Variants in SLC25A23 observed in about 807,000 individuals in gnomAD.
SLC25A23 encodes the protein solute carrier family 25 member 23.
SLC25A23 carries 32 observed loss-of-function variants against 53.9 expected under a neutral mutation model. That is an observed-to-expected ratio of 0.59 (90% CI 0.45 to 0.80). The LOEUF (loss-of-function observed/expected upper bound fraction) is 0.80, where lower values mean the gene tolerates loss of function less well. Ranked by LOEUF, SLC25A23 falls within the 30% of genes least tolerant of loss-of-function variation. The pLI is 0.00. For synonymous variants in SLC25A23, 275 were observed against 264.5 expected, an observed-to-expected ratio of 1.04 and a Z score of -0.38; for missense variants, 575 against 651.4, an observed-to-expected ratio of 0.88 and a Z score of 1.28.
Position 6,454,849 on chromosome 19 carries a change from C to T in SLC25A23, c.484-132G>A, listed in dbSNP as rs910210898. On this transcript the variant is annotated intron_variant, in intron 4 of 9. Transcript: ENST00000301454. This position sits in a 1 kb window ranked among gnomAD's most constrained non-coding sequence, Gnocchi z 4.3. ...CTGCCAATGACTCTTGCTTGGAGAC[C>T]CCAGAAGAGTCCTGTTGGGTCCTAC... The T allele has an allele frequency of 1.4e-5, 15 of 1,086,698 alleles. No individual in the cohort carries two copies. The highest frequency in any genetic ancestry group is 2.0e-5 in the Non-Finnish European group (15 of 766,062). 67.3% of individuals were successfully genotyped at this position (1,086,698 alleles called of 1,614,324 possible). A position where few individuals can be genotyped will look rare whatever the true frequency, so the allele number is the denominator to read the frequency against.
intron 1 of SLC25A23, among the ~76,000 whole-genome samples, chr19:6,458,849 C>T (rs566746705): frequency 1.3e-5 from 2 of 152,156 alleles, no homozygotes; most frequent in Non-Finnish European, 2.9e-5. Flanking sequence ...GGACTGCTCT[C>T]AGGGTTGCTG....
In SLC25A23 at chr19:6,458,194, T is replaced by A; in HGVS notation, c.283+4A>T. On this transcript the variant is annotated splice_donor_region_variant and intron_variant, in intron 2 of 9. Coordinates refer to ENST00000301454, the MANE Select transcript of SLC25A23 (RefSeq NM_024103.3). The stretch of plus-strand genomic sequence containing the variant: ...GGGCCTGCAGGCAGGTCGCCCGACC[T>A]TACCATCCTGGTTCCGGTCAAGACT... 6.2e-7 allele frequency: 1 copy of A among 1,613,226 alleles called. No individual in the cohort carries two copies.
chr19:6,458,075 G>A, intron 2 of SLC25A23, 123 bp downstream of exon 2: 1 of 1,301,350 alleles, frequency 7.7e-7, no homozygotes, highest in Non-Finnish European at 1.0e-6. Flanking sequence ...TAGCCTATGA[G>A]TCATCGGGGA....
Position 6,459,021 on chromosome 19 carries a change from G to A in SLC25A23, c.156+452C>T, listed in dbSNP as rs1241736557. 6.6e-6 allele frequency among the ~76,000 whole-genome samples: 1 copy of A among 152,222 alleles called. No individual in the cohort carries two copies. The highest frequency in any genetic ancestry group is 1.5e-5 in the Non-Finnish European group (1 of 68,028). ...GGGGCAGCCCGGGACAGTGAGCCAG[G>A]CCCGTGAACGGCCCATGAAAGGGCA... On this transcript the variant is annotated intron_variant, in intron 1 of 9. Coordinates refer to ENST00000301454, the MANE Select transcript of SLC25A23 (RefSeq NM_024103.3). This position sits in a 1 kb window ranked among gnomAD's most constrained non-coding sequence, Gnocchi z 4.6.
At position 6,454,429 on chromosome 19, in the gene SLC25A23, C is replaced by T. The variant is rs144673485; in HGVS notation, c.689G>A (p.Arg230Gln). 241 of 1,614,166 alleles carry T rather than the reference C, an allele frequency of 1.5e-4. No individual in the cohort carries two copies. Among genetic ancestry groups the T allele is most frequent in the African/African-American group, 1.1e-3 (85 of 75,062 alleles). ...GATGCCTCCCTCAAGGACCATGCTT[C>T]GAAGCCCCCCAAGGATGTTCAGCCG... is the stretch of plus-strand genomic sequence containing the variant. ...TNRLNILGGL[R>Q]SMVLEGGIRS... The change falls in exon 6 of 10, where the codon CGA becomes CAA. Residue 230 changes from arginine to glutamine, a missense_variant. By Grantham distance (43) the Arg-to-Gln change is conservative (BLOSUM62 1). Coordinates refer to ENST00000301454, the MANE Select transcript of SLC25A23 (RefSeq NM_024103.3). The surrounding 1 kb of genome is among the most constrained non-coding windows in gnomAD (Gnocchi z 4.3).
chr19:6,442,778 C>CA (rs200176324), intron 9 of SLC25A23, among the ~76,000 whole-genome samples: 2,764 of 151,738 alleles, frequency 0.018, 39 homozygotes, highest in Middle Eastern at 0.069. Context: ...CTCCAACTCC[C>CA]AACCTCAGGT....
intron 4 of SLC25A23, among the ~76,000 whole-genome samples, chr19:6,455,278 CA>C (rs140569819): frequency 1.3e-5 from 2 of 151,916 alleles, no homozygotes; most frequent in Non-Finnish European, 2.9e-5. Context: ...TCTGTAACAG[CA>C]AAAAAAGATC....
Position 6,454,361 on chromosome 19 carries a change from C to A in SLC25A23, c.757G>T (p.Ala253Ser), listed in dbSNP as rs546358775. The A allele has an allele frequency of 6.2e-7, 1 of 1,614,148 alleles. No homozygotes were observed. The highest frequency in any genetic ancestry group is 1.1e-5 in the South Asian group (1 of 91,086). ...RGNGINVLKI[A>S]PESAIKFMAY... ...ATGAACTTGATAGCTGACTCGGGGG[C>A]AATCTTGAGTACATTAATACCATTG... is the stretch of plus-strand genomic sequence containing the variant. The change falls in exon 6 of 10, where the codon GCC becomes TCC. Residue 253 changes from alanine (A) to serine (S), a missense_variant. Ala to Ser is a moderately conservative substitution (Grantham distance 99, BLOSUM62 1). Transcript: ENST00000301454. This position sits in a 1 kb window ranked among gnomAD's most constrained non-coding sequence, Gnocchi z 4.3.
intron 8 of SLC25A23, among the ~76,000 whole-genome samples, chr19:6,447,869 C>T (rs2092529104): frequency 6.6e-6 from 1 of 152,164 alleles, no homozygotes; most frequent in African/African-American, 2.4e-5. Flanking sequence ...CAGGGTTTAA[C>T]CATGTTGGCC....
chr19:6,454,705 C>T lies in SLC25A23; in HGVS notation c.496G>A (p.Gly166Ser). 1 of 1,613,958 alleles carries T rather than the reference C, an allele frequency of 6.2e-7. No homozygotes were observed. Among genetic ancestry groups the T allele is most frequent in the Non-Finnish European group, 8.5e-7 (1 of 1,180,002 alleles). The change falls in exon 5 of 10, where the codon GGC (glycine) becomes AGC (serine). Residue 166 changes from glycine (G) to serine (S), a missense_variant. Gly to Ser is a moderately conservative substitution (Grantham distance 56, BLOSUM62 0). Coordinates refer to ENST00000301454, the MANE Select transcript of SLC25A23 (RefSeq NM_024103.3). The surrounding 1 kb of genome is among the most constrained non-coding windows in gnomAD (Gnocchi z 4.3). ...FWKHSTVLDI[G>S]ECLTVPDEFS... ...TCGTCCGGCACTGTCAGGCACTCGC[C>T]AATGTCCAGGACCTAAAGATACAGG... is the stretch of plus-strand genomic sequence containing the variant.
Position 6,454,758 on chromosome 19 carries a change from A to G in SLC25A23, c.484-41T>C, listed in dbSNP as rs1176467495. On this transcript the variant is annotated intron_variant, in intron 4 of 9. Coordinates refer to ENST00000301454, the MANE Select transcript of SLC25A23 (RefSeq NM_024103.3). This position sits in a 1 kb window ranked among gnomAD's most constrained non-coding sequence, Gnocchi z 4.3. Reference sequence around the variant, plus strand: ...TTGGGGGTGTCATGCCATGGTGGGGACAGGGAGATGTGACTCAGTCCTAAA... The same window carrying G: ...TTGGGGGTGTCATGCCATGGTGGGGGCAGGGAGATGTGACTCAGTCCTAAA... 6.2e-7 allele frequency: 1 copy of G among 1,607,102 alleles called. No individual in the cohort carries two copies. The highest frequency in any genetic ancestry group is 8.5e-7 in the Non-Finnish European group (1 of 1,176,368).
chr19:6,444,665 AATTATT>A (rs1223706042), intron 8 of SLC25A23, among the ~76,000 whole-genome samples: 2 of 151,696 alleles, frequency 1.3e-5, no homozygotes, highest in African/African-American at 4.8e-5. Context: ...TTTTTTTAAA[AATTATT>A]ATTATTATTA....
At chr19:6,457,657 G>C (rs2092700648) in intron 2 of SLC25A23, 67 bp from the exon 3 acceptor site, 1 of 1,385,592 alleles carries the variant, frequency 7.2e-7, no homozygotes, top group Non-Finnish European at 1.0e-6. Context: ...CCAGGACCAA[G>C]GATCAGAACA....
chr19:6,439,198 T>C (rs113455655), downstream of SLC25A23, among the ~76,000 whole-genome samples: 2,797 of 151,474 alleles, frequency 0.018, 36 homozygotes, highest in South Asian at 0.038. Context: ...CCAGCCTGGG[T>C]GACAGAGCGA....
At chr19:6,453,876 G>A (rs2144998450) in intron 7 of SLC25A23, 105 bp downstream of exon 7, 1 of 902,252 alleles carries the variant, frequency 1.1e-6, no homozygotes, top group Non-Finnish European at 1.7e-6. Flanking sequence ...AATCAGAGAG[G>A]GACAAAGGTA....
At chr19:6,443,497 G>A in intron 9 of SLC25A23, 1 of 666,918 alleles carries the variant, frequency 1.5e-6, no homozygotes, top group Admixed American at 2.2e-5. Flanking sequence ...TAAAGTGCTG[G>A]GATTACAGAT....
chr19:6,451,200 C>G, intron 8 of SLC25A23, among the ~76,000 whole-genome samples: 1 of 151,346 alleles, frequency 6.6e-6, no homozygotes, highest in African/African-American at 2.4e-5. Context: ...ACCAGCCTGG[C>G]CAACATGGTG....
intron 8 of SLC25A23, among the ~76,000 whole-genome samples, chr19:6,449,667 G>A (rs2092559007): frequency 6.6e-6 from 1 of 151,648 alleles, no homozygotes; most frequent in African/African-American, 2.4e-5. Flanking sequence ...ACCCGCCTCG[G>A]CCTCCCAAAG....
intron 8 of SLC25A23, among the ~76,000 whole-genome samples, chr19:6,449,255 C>CT (rs57753988): frequency 3.9e-3 from 538 of 138,182 alleles, no homozygotes; most frequent in East Asian, 7.0e-3. Context: ...TTCTTTCTTT[C>CT]TTTTTTTTTT....
Sources: allele counts gnomAD v4.1 joint callset (sites outside exome capture counted in the v4.1 genomes callset), GRCh38; gene constraint gnomAD v4.1.1; non-coding constraint Gnocchi (gnomAD v3.1); transcripts MANE v1.5; gene names NCBI Gene and HGNC (gene_info 2026-07-23, HGNC 2026-07-21).